Variants in ZNF274 observed in about 807,000 individuals in gnomAD.
The protein encoded by ZNF274 is zinc finger protein 274.
Under a neutral mutation model 42.5 loss-of-function variants are expected in ZNF274, and 23 were observed. The observed-to-expected ratio is 0.54, with a 90% CI of 0.39 to 0.77. ZNF274 has a LOEUF of 0.77. Among genes scored for constraint, ZNF274 ranks in the 30% least tolerant of loss-of-function variants. ZNF274 has a pLI of 0.00. For synonymous variants in ZNF274, 292 were observed against 305.4 expected (o/e 0.96, Z 0.46); for missense variants, 679 against 806.5 (o/e 0.84, Z 1.91).
chr19:58,190,152 T>A (rs1455325383), intron 4 of ZNF274, among the ~76,000 whole-genome samples: 1 of 85,320 alleles, frequency 1.2e-5, no homozygotes, highest in Non-Finnish European at 3.1e-5. Context: ...TATCTCTCTC[T>A]TTTTTTTTTT....
intron 4 of ZNF274, among the ~76,000 whole-genome samples, chr19:58,195,176 G>A (rs2075826822): frequency 1.3e-5 from 2 of 148,804 alleles, no homozygotes; most frequent in Middle Eastern, 3.5e-3. Flanking sequence ...CCAGCCTGGC[G>A]ACAGAGTGAG....
Position 58,186,535 on chromosome 19 carries a change from C to CAA in ZNF274, c.161-396_161-395dup, listed in dbSNP as rs10695409. ...TGGGCAACTGAGCAAGACTCCGTCT[C>CAA]AAAAAAAAAAAAAAAAAGCCTGTCC... On this transcript the variant is annotated intron_variant, in intron 3 of 7. Coordinates refer to ENST00000617501, the MANE Select transcript of ZNF274 (RefSeq NM_133502.3). Among the ~76,000 whole-genome samples the CAA allele has an allele frequency of 2.3e-4, 23 of 102,214 alleles. 5 individuals carry two copies. Among genetic ancestry groups the CAA allele is most frequent in the Admixed American group, 5.7e-4 (5 of 8,804 alleles). The allele number at this position is 102,214 out of a possible 152,430, so 67.1% of individuals were successfully genotyped here.
chr19:58,200,991 A>G (rs1357371398), intron 4 of ZNF274, among the ~76,000 whole-genome samples: 3 of 150,596 alleles, frequency 2.0e-5, no homozygotes, highest in South Asian at 2.1e-4. Flanking sequence ...AAGGTGCCGC[A>G]TACTGTTGTT....
chr19:58,198,825 TTTAG>T (rs2075874648), intron 4 of ZNF274, among the ~76,000 whole-genome samples: 2 of 151,482 alleles, frequency 1.3e-5, no homozygotes, highest in Admixed American at 1.3e-4. Context: ...TTTTTTTTTT[TTTAG>T]AACAAATTGA....
intron 4 of ZNF274, among the ~76,000 whole-genome samples, chr19:58,191,389 G>A (rs763465018): frequency 1.3e-5 from 2 of 152,108 alleles, no homozygotes; most frequent in Non-Finnish European, 2.9e-5. Flanking sequence ...TGCCCACCTC[G>A]GCCTCCCAAA....
intron 4 of ZNF274, among the ~76,000 whole-genome samples, chr19:58,193,622 T>G (rs2075804537): frequency 1.3e-5 from 2 of 151,920 alleles, no homozygotes; most frequent in South Asian, 4.2e-4. Flanking sequence ...GTCCATCGCT[T>G]CTTTTAAAAA....
chr19:58,204,083 AG>A (rs1337821341), intron 4 of ZNF274, among the ~76,000 whole-genome samples: 7 of 152,268 alleles, frequency 4.6e-5, no homozygotes, highest in South Asian at 2.1e-4. Flanking sequence ...TTTGTACTCG[AG>A]GAACGGGAGA....
chr19:58,211,793 G>T lies in ZNF274; in HGVS notation c.979+107G>T. The T allele has an allele frequency of 6.9e-7, 1 of 1,451,318 alleles. No homozygotes were observed. The highest frequency in any genetic ancestry group is 1.4e-5 in the South Asian group (1 of 70,596). The allele number at this position is 1,451,318 out of a possible 1,614,324, so 89.9% of individuals were successfully genotyped here. A position where few individuals can be genotyped will look rare whatever the true frequency, so the allele number is the denominator to read the frequency against. Reference sequence around the variant, plus strand: ...ACTCCACACTGGGCATTCCCTCAAGGGGCCCTTGCTGCATCCAGGGCCTGT... The same window carrying T: ...ACTCCACACTGGGCATTCCCTCAAGTGGCCCTTGCTGCATCCAGGGCCTGT... On this transcript the variant is annotated intron_variant, in intron 7 of 7. Coordinates refer to ENST00000617501, the MANE Select transcript of ZNF274 (RefSeq NM_133502.3). The surrounding 1 kb of genome is among the most constrained non-coding windows in gnomAD (Gnocchi z 4.8).
intron 4 of ZNF274, among the ~76,000 whole-genome samples, chr19:58,195,533 A>G (rs62125915): frequency 9.8e-6 from 1 of 101,592 alleles, no homozygotes; most frequent in Non-Finnish European, 2.8e-5. Flanking sequence ...TTCTCCCAAC[A>G]GTGGCATAGC....
chr19:58,200,560 A>G (rs1056480956), intron 4 of ZNF274, among the ~76,000 whole-genome samples: 12 of 152,100 alleles, frequency 7.9e-5, no homozygotes, highest in African/African-American at 2.2e-4. Context: ...TCAGACCTGA[A>G]TGGGAAAGGC....
rs1324618786 is a variant in ZNF274, at chr19:58,188,698, A to G, written c.256+1656A>G. The stretch of plus-strand genomic sequence containing the variant: ...TGTGTATATATATATGTATATGTAT[A>G]TATATATATATATATATATATATAT... On this transcript the variant is annotated intron_variant, in intron 4 of 7. Coordinates refer to ENST00000617501, the MANE Select transcript of ZNF274 (RefSeq NM_133502.3). 3.7e-3 allele frequency among the ~76,000 whole-genome samples: 330 copies of G among 88,400 alleles called. 2 individuals are homozygous for G. Among genetic ancestry groups the G allele is most frequent in the Non-Finnish European group, 5.3e-3 (230 of 43,698 alleles). The allele number at this position is 88,400 out of a possible 152,430, so 58.0% of individuals were successfully genotyped here. A position where few individuals can be genotyped will look rare whatever the true frequency, so the allele number is the denominator to read the frequency against.
intron 4 of ZNF274, among the ~76,000 whole-genome samples, chr19:58,188,466 C>G (rs556423967): frequency 2.0e-5 from 3 of 150,892 alleles, no homozygotes; most frequent in African/African-American, 7.3e-5. Context: ...ACTAAAAATA[C>G]AAAAATTAGC....
intron 4 of ZNF274, among the ~76,000 whole-genome samples, chr19:58,194,528 G>A (rs1055538140): frequency 1.3e-5 from 2 of 151,416 alleles, no homozygotes; most frequent in Admixed American, 1.3e-4. Flanking sequence ...ACAGGCACCT[G>A]CCACCACACC....
rs2076040648 is a variant in ZNF274 at position 58,211,586 on chromosome 19, T to A, written c.879T>A (p.Ala293=). The change falls in exon 7 of 8, where the codon GCT becomes GCA. Residue 293 remains alanine (A), a synonymous_variant. Coordinates refer to ENST00000617501, the MANE Select transcript of ZNF274 (RefSeq NM_133502.3). This position sits in a 1 kb window ranked among gnomAD's most constrained non-coding sequence, Gnocchi z 4.8. ...AGCCAGTGACCTTCCAGGATGTGGC[T>A]GTGGACTTCAGCCGGGAGGAGTGGG... ...PEEPVTFQDV[A]VDFSREEWGL... is the part of the protein sequence containing the mutation. 1 of 1,613,628 alleles carries A rather than the reference T, an allele frequency of 6.2e-7. No individual in the cohort carries two copies. The highest frequency in any genetic ancestry group is 1.3e-5 in the African/African-American group (1 of 74,912).
intron 4 of ZNF274, among the ~76,000 whole-genome samples, chr19:58,194,514 G>C (rs1440355630): frequency 6.6e-6 from 1 of 150,864 alleles, no homozygotes; most frequent in Non-Finnish European, 1.5e-5. Flanking sequence ...GTGTAGCTGG[G>C]ACTACAGGCA....
intron 3 of ZNF274, 145 bp downstream of exon 3, chr19:58,185,983 T>C (rs2075693324): frequency 1.7e-6 from 1 of 601,356 alleles, no homozygotes; most frequent in African/African-American, 1.9e-5. Flanking sequence ...AATCATTGCC[T>C]AGTCCATCCC....
At chr19:58,209,704 A>G in intron 5 of ZNF274, 1 of 334,984 alleles carries the variant, frequency 3.0e-6, no homozygotes, top group Non-Finnish European at 5.5e-6. Context: ...GTGGGACCAG[A>G]GTCTCAGCAG....
At chr19:58,184,555 C>T in intron 2 of ZNF274, 1 of 154,046 alleles carries the variant, frequency 6.5e-6, no homozygotes, top group South Asian at 1.9e-4. Context: ...TAAGGTGATC[C>T]GACCATCTCG....
At chr19:58,210,816 G>C (rs2076031847) in intron 6 of ZNF274, 1 of 152,472 alleles carries the variant, frequency 6.6e-6, no homozygotes. Context: ...CCAGGTTCAA[G>C]TGATTCTCCT....
Sources: gnomAD v4.1 joint callset for allele counts (sites outside exome capture counted in the v4.1 genomes callset) on GRCh38, gnomAD v4.1.1 for gene constraint, Gnocchi (gnomAD v3.1) non-coding constraint, MANE v1.5 for transcripts, NCBI Gene and HGNC (gene_info 2026-07-23, HGNC 2026-07-21) for gene names.